Variants in KCNAB2 observed in about 807,000 individuals in gnomAD.
KCNAB2 encodes the protein voltage-gated potassium channel subunit beta-2.
In KCNAB2, 29 loss-of-function variants were observed where a neutral mutation model predicts 63.6. The observed-to-expected ratio is 0.46, with a 90% CI of 0.34 to 0.62. The LOEUF (loss-of-function observed/expected upper bound fraction) is 0.62. Among genes scored for constraint, KCNAB2 ranks in the 20% least tolerant of loss-of-function variants. The pLI is 0.01. For synonymous variants in KCNAB2, 222 were observed against 224.2 expected, an observed-to-expected ratio of 0.99 and a Z score of 0.09; for missense variants, 359 against 563.9, an observed-to-expected ratio of 0.64 and a Z score of 3.68.
chr1:6,010,611 C>T (rs1658094949), intron 1 of KCNAB2, among the ~76,000 whole-genome samples: 1 of 152,204 alleles, frequency 6.6e-6, no homozygotes, highest in African/African-American at 2.4e-5. Flanking sequence ...TCCGGTCACC[C>T]CCAGTTCCTT....
At chr1:6,050,297 C>G (rs1428905166) in intron 1 of KCNAB2, among the ~76,000 whole-genome samples, 1 of 152,270 alleles carries the variant, frequency 6.6e-6, no homozygotes, top group African/African-American at 2.4e-5. Context: ...TGCACCTTCT[C>G]TCTCTGGTGA....
intron 1 of KCNAB2, chr1:6,027,311 C>T (rs1043901417): frequency 3.9e-5 from 6 of 153,472 alleles, no homozygotes; most frequent in South Asian, 2.0e-4. Context: ...CCTGGGTGTG[C>T]GGCTATGGGG....
At chr1:6,040,100 G>A (rs1232307457) in intron 1 of KCNAB2, among the ~76,000 whole-genome samples, 2 of 152,216 alleles carry the variant, frequency 1.3e-5, no homozygotes, top group South Asian at 2.1e-4. Context: ...CAGTGTCAGC[G>A]ATGACCCTGG....
chr1:6,033,378 C>A (rs184597518), upstream of KCNAB2, among the ~76,000 whole-genome samples: 3 of 145,642 alleles, frequency 2.1e-5, no homozygotes, highest in East Asian at 6.1e-4. Context: ...CATATGTGTG[C>A]GTGTATGTGT....
Position 6,100,416 on chromosome 1 carries a change from G to C in KCNAB2, c.*1842G>C, listed in dbSNP as rs957007145. 3 of 176,502 alleles carry C rather than the reference G, an allele frequency of 1.7e-5. No homozygotes were observed. The East Asian group carries it at 4.6e-4, about 27-fold the overall frequency. The allele number at this position is 176,502 out of a possible 1,614,324, so 10.9% of individuals were successfully genotyped here. A position where few individuals can be genotyped will look rare whatever the true frequency, so the allele number is the denominator to read the frequency against. On this transcript the variant is annotated 3_prime_UTR_variant, in exon 16 of 16. Transcript: ENST00000378083. ...AACGGAGGTCCCAGCCTATGGCCCTGGGCCCAGGTGGGGGTCGCCTGCTTC... is the reference window on the plus strand; with the variant it reads ...AACGGAGGTCCCAGCCTATGGCCCTCGGCCCAGGTGGGGGTCGCCTGCTTC...
chr1:6,097,286 G>A lies in KCNAB2; in HGVS notation c.1087G>A (p.Glu363Lys). 6.5e-7 allele frequency: 1 copy of A among 1,549,214 alleles called. No individual in the cohort carries two copies. Among genetic ancestry groups the A allele is most frequent in the Non-Finnish European group, 8.7e-7 (1 of 1,145,448 alleles). The change falls in exon 15 of 16, where the codon GAG becomes AAG. Residue 363 changes from glutamate (E) to lysine (K), a missense_variant. Physicochemically the swap from Glu to Lys is moderately conservative, Grantham distance 56. This residue lies in a region of KCNAB2 where 271 missense variants were observed against 476.1 expected (regional missense o/e 0.57). Coordinates refer to ENST00000378083, the MANE Select transcript of KCNAB2 (RefSeq NM_001199862.2). ...QLAIAWCLRN[E>K]GVSSVLLGAS... is the part of the protein sequence containing the mutation. Reference sequence around the variant, plus strand: ...CGCCACAGCCTGGTGCCTGAGGAATGAGGGAGTCAGCTCCGTGCTCCTGGG... The same window carrying A: ...CGCCACAGCCTGGTGCCTGAGGAATAAGGGAGTCAGCTCCGTGCTCCTGGG...
intron 2 of KCNAB2, among the ~76,000 whole-genome samples, chr1:6,062,952 A>C (rs948534386): frequency 8.6e-5 from 13 of 151,942 alleles, no homozygotes; most frequent in African/African-American, 3.1e-4. Context: ...AAGAAGCCCC[A>C]TACCCTTCAA....
intron 4 of KCNAB2, among the ~76,000 whole-genome samples, chr1:6,081,718 G>A (rs559892006): frequency 2.7e-4 from 41 of 152,200 alleles, no homozygotes; most frequent in African/African-American, 8.9e-4. Flanking sequence ...GGACTTCTGT[G>A]TCTGCATTTT....
intron 1 of KCNAB2, among the ~76,000 whole-genome samples, chr1:6,023,465 C>T (rs553285357): frequency 2.2e-4 from 34 of 152,300 alleles, no homozygotes; most frequent in African/African-American, 8.2e-4. Flanking sequence ...CCTTATTATT[C>T]TGGGCTTTTT....
chr1:6,091,255 A>T lies in KCNAB2; in HGVS notation c.602-8A>T. 2 of 1,530,924 alleles carry T rather than the reference A, an allele frequency of 1.3e-6. No individual in the cohort carries two copies. The highest frequency in any genetic ancestry group is 1.8e-6 in the Non-Finnish European group (2 of 1,142,290). 94.8% of individuals were successfully genotyped at this position (1,530,924 alleles called of 1,614,324 possible). A position where few individuals can be genotyped will look rare whatever the true frequency, so the allele number is the denominator to read the frequency against. On this transcript the variant is annotated splice_polypyrimidine_tract_variant and splice_region_variant and intron_variant, in intron 9 of 15. Transcript: ENST00000378083. ...TCTGGTCTCTTTAAATCTTTCTTCT[A>T]TCACCAGGGGACCCATTTAGTTCCT...
intron 1 of KCNAB2, among the ~76,000 whole-genome samples, chr1:5,996,385 G>T (rs1032630829): frequency 6.6e-6 from 1 of 152,088 alleles, no homozygotes; most frequent in African/African-American, 2.4e-5. Context: ...GATGAGCCCT[G>T]GGCTCAGGCC....
intron 1 of KCNAB2, among the ~76,000 whole-genome samples, chr1:6,001,290 T>C (rs564344455): frequency 1.5e-5 from 2 of 129,134 alleles, no homozygotes; most frequent in African/African-American, 6.4e-5. Flanking sequence ...CAGCTGCATG[T>C]GATCACCACA....
chr1:6,005,733 G>A lies in KCNAB2; in HGVS notation c.-53+12945G>A, dbSNP rs962786784. The stretch of plus-strand genomic sequence containing the variant: ...CACTGTGAGGATGCAGGGCCCCCAC[G>A]TGGGGAGACAGGGCACAGCCTCCCA... On this transcript the variant is annotated intron_variant, in intron 1 of 16. Transcript: ENST00000341524. Among the ~76,000 whole-genome samples the A allele has an allele frequency of 4.6e-5, 7 of 151,890 alleles. No homozygotes were observed. In the East Asian group the frequency reaches 5.8e-4, roughly 13 times the overall value.
chr1:6,035,219 G>A lies in KCNAB2; in HGVS notation c.-53+425G>A, dbSNP rs1020135308. Among the ~76,000 whole-genome samples, 1 of 152,186 alleles carries A rather than the reference G, an allele frequency of 6.6e-6. No homozygotes were observed. Among genetic ancestry groups the A allele is most frequent in the Non-Finnish European group, 1.5e-5 (1 of 68,018 alleles). On this transcript the variant is annotated intron_variant, in intron 1 of 15. Transcript: ENST00000164247. This position sits in a 1 kb window ranked among gnomAD's most constrained non-coding sequence, Gnocchi z 5.0. The stretch of plus-strand genomic sequence containing the variant: ...GGGTTCACAGACCCCCAGGGAGCCA[G>A]TGTGGCAGGGGCCAGTGTGTGAGGG...
intron 8 of KCNAB2, among the ~76,000 whole-genome samples, 199 bp downstream of exon 8, chr1:6,089,250 G>C (rs894169591): frequency 6.6e-6 from 1 of 152,250 alleles, no homozygotes; most frequent in Non-Finnish European, 1.5e-5. Flanking sequence ...GGGCAGCCCG[G>C]TGGCTGAGCA....
intron 4 of KCNAB2, among the ~76,000 whole-genome samples, chr1:6,077,414 CTT>C (rs1663757022): frequency 6.6e-6 from 1 of 152,234 alleles, no homozygotes; most frequent in Admixed American, 6.5e-5. Flanking sequence ...CGCTCCCTCT[CTT>C]TCCTGCCTCT....
In KCNAB2 at chr1:6,028,999, G is replaced by T. The variant is rs1408170586; in HGVS notation, c.-52-11518G>T. Among the ~76,000 whole-genome samples the T allele has an allele frequency of 6.6e-6, 1 of 152,218 alleles. No homozygotes were observed. Among genetic ancestry groups the T allele is most frequent in the Non-Finnish European group, 1.5e-5 (1 of 68,034 alleles). ...CGCCCTGAGGCGTGGGTTCACACTT[G>T]GGTGTGGCTGGTCACGTCTATAAAA... is the stretch of plus-strand genomic sequence containing the variant. On this transcript the variant is annotated intron_variant, in intron 1 of 16. Coordinates refer to the KCNAB2 transcript ENST00000341524. The surrounding 1 kb of genome is among the most constrained non-coding windows in gnomAD (Gnocchi z 4.0).
At chr1:6,066,171 G>A (rs965906486) in intron 2 of KCNAB2, among the ~76,000 whole-genome samples, 3 of 152,354 alleles carry the variant, frequency 2.0e-5, no homozygotes, top group Middle Eastern at 3.4e-3. Flanking sequence ...TCCCGAGGCC[G>A]CTTCCGCGCC....
chr1:6,056,947 A>T (rs192596107), intron 2 of KCNAB2, among the ~76,000 whole-genome samples: 1 of 148,942 alleles, frequency 6.7e-6, no homozygotes, highest in East Asian at 2.0e-4. Context: ...CCCCTCCTCC[A>T]TCTCGGTTGC....
Sources: gnomAD v4.1 joint callset for allele counts (sites outside exome capture counted in the v4.1 genomes callset) on GRCh38, gnomAD v4.1.1 for gene constraint, gnomAD v4.1.1 regional missense constraint, Gnocchi (gnomAD v3.1) non-coding constraint, MANE v1.5 for transcripts, NCBI Gene and HGNC (gene_info 2026-07-23, HGNC 2026-07-21) for gene names.